TRABD2B: variants seen among roughly 807,000 people sequenced by gnomAD.
TRABD2B encodes the protein metalloprotease TIKI2.
TRABD2B carries 14 observed loss-of-function variants against 40.1 expected under a neutral mutation model. That is an observed-to-expected ratio of 0.35 (90% CI 0.23 to 0.55). The LOEUF is 0.55. Ranked by LOEUF, TRABD2B falls within the 20% of genes least tolerant of loss-of-function variation. The pLI is 0.90. For synonymous variants in TRABD2B, 263 were observed against 277.0 expected (o/e 0.95, Z 0.50); for missense variants, 541 against 648.6 (o/e 0.83, Z 1.80).
At position 47,937,228 on chromosome 1, in the gene TRABD2B, T is replaced by TCACCAC. The variant is rs1244071980; in HGVS notation, c.666+56800_666+56805dup. On this transcript the variant is annotated intron_variant, in intron 2 of 6. Coordinates refer to ENST00000606738, the MANE Select transcript of TRABD2B (RefSeq NM_001194986.2). ...ATCACCACTACCATGATCATCACCATCACCACCACCACCATGATCATCACC... is the reference window on the plus strand; with the variant it reads ...ATCACCACTACCATGATCATCACCATCACCACCACCACCACCACCATGATCATCACC... Among the ~76,000 whole-genome samples, 3 of 145,586 alleles carry TCACCAC rather than the reference T, an allele frequency of 2.1e-5. No individual in the cohort carries two copies. In the East Asian group the frequency reaches 6.2e-4, roughly 30 times the overall value.
chr1:47,883,881 G>A (rs1008630364), intron 2 of TRABD2B, among the ~76,000 whole-genome samples: 9 of 152,154 alleles, frequency 5.9e-5, no homozygotes, highest in Non-Finnish European at 1.2e-4. Context: ...GGAGGTCCAT[G>A]CCTACTCAAC....
Position 47,762,815 on chromosome 1 carries a change from T to C in TRABD2B, c.*3087A>G, listed in dbSNP as rs2124393563. 6.6e-6 allele frequency: 1 copy of C among 152,232 alleles called. No individual in the cohort carries two copies. Among genetic ancestry groups the C allele is most frequent in the South Asian group, 2.1e-4 (1 of 4,822 alleles). The allele number at this position is 152,232 out of a possible 1,614,324, so 9.4% of individuals were successfully genotyped here. A position where few individuals can be genotyped will look rare whatever the true frequency, so the allele number is the denominator to read the frequency against. On this transcript the variant is annotated 3_prime_UTR_variant, in exon 7 of 7. Transcript: ENST00000606738. ...GCTGCTGGTGCATCAGACCCACCACTGGAGGAAGACCTGGGGACATGGCCA... is the reference window on the plus strand; with the variant it reads ...GCTGCTGGTGCATCAGACCCACCACCGGAGGAAGACCTGGGGACATGGCCA...
At chr1:47,949,011 A>T (rs1645300671) in intron 2 of TRABD2B, among the ~76,000 whole-genome samples, 1 of 152,212 alleles carries the variant, frequency 6.6e-6, no homozygotes, top group African/African-American at 2.4e-5. Context: ...AAGAAAACTG[A>T]GGTTCAAGGG....
At chr1:47,860,201 T>C (rs944712494) in intron 2 of TRABD2B, among the ~76,000 whole-genome samples, 8 of 152,158 alleles carry the variant, frequency 5.3e-5, no homozygotes, top group Admixed American at 1.3e-4. Context: ...ATTCCTGCTG[T>C]TTCCCTCTCT....
intron 4 of TRABD2B, among the ~76,000 whole-genome samples, chr1:47,782,104 G>C (rs1557562432): frequency 6.6e-6 from 1 of 152,048 alleles, no homozygotes; most frequent in Non-Finnish European, 1.5e-5. Context: ...TGCCACTTTT[G>C]CCCAGATGCA....
intron 2 of TRABD2B, among the ~76,000 whole-genome samples, chr1:47,804,528 T>A (rs1644865659): frequency 1.3e-5 from 2 of 152,138 alleles, no homozygotes; most frequent in African/African-American, 4.8e-5. Flanking sequence ...TGTGGTGAGG[T>A]CATCGGCCCA....
intron 2 of TRABD2B, among the ~76,000 whole-genome samples, chr1:47,957,657 G>GA (rs1645444343): frequency 6.6e-6 from 1 of 151,976 alleles, no homozygotes; most frequent in Non-Finnish European, 1.5e-5. Flanking sequence ...GAAGTTTAGA[G>GA]AAAAAAGAGT....
chr1:47,820,426 A>G (rs1645089631), intron 2 of TRABD2B, among the ~76,000 whole-genome samples: 1 of 152,228 alleles, frequency 6.6e-6, no homozygotes, highest in Non-Finnish European at 1.5e-5. Context: ...GGGCCTGTCC[A>G]AGGTCACACA....
intron 2 of TRABD2B, among the ~76,000 whole-genome samples, chr1:47,966,079 C>G (rs951886540): frequency 2.6e-5 from 4 of 152,162 alleles, no homozygotes; most frequent in African/African-American, 9.7e-5. Flanking sequence ...CCTATTAAGT[C>G]CTCTTGAAGG....
intron 2 of TRABD2B, among the ~76,000 whole-genome samples, chr1:47,805,057 T>C (rs1186204917): frequency 1.3e-5 from 2 of 152,074 alleles, no homozygotes; most frequent in African/African-American, 4.8e-5. Flanking sequence ...CCTCCTCATA[T>C]TAAAGAGGAG....
chr1:47,804,371 T>C (rs1414644436), intron 2 of TRABD2B, among the ~76,000 whole-genome samples: 1 of 152,226 alleles, frequency 6.6e-6, no homozygotes, highest in Non-Finnish European at 1.5e-5. Flanking sequence ...ACACGGCACA[T>C]GCCTCGGATG....
chr1:47,874,307 G>A (rs1370486614), intron 2 of TRABD2B, among the ~76,000 whole-genome samples: 28 of 123,590 alleles, frequency 2.3e-4, no homozygotes, highest in African/African-American at 7.4e-4. Flanking sequence ...CGCCCAGGCC[G>A]GACTGCGGAC....
intron 2 of TRABD2B, among the ~76,000 whole-genome samples, chr1:47,903,500 T>G (rs1644631922): frequency 6.6e-6 from 1 of 152,128 alleles, no homozygotes; most frequent in African/African-American, 2.4e-5. Context: ...GCACTGTGTC[T>G]GTGCCCCCAG....
intron 2 of TRABD2B, among the ~76,000 whole-genome samples, chr1:47,945,856 C>T (rs1478692803): frequency 6.6e-6 from 1 of 152,148 alleles, no homozygotes; most frequent in African/African-American, 2.4e-5. Context: ...ACAAAGAAAG[C>T]CACTATAAAC....
At chr1:47,939,846 T>A (rs904952290) in intron 2 of TRABD2B, among the ~76,000 whole-genome samples, 5 of 152,228 alleles carry the variant, frequency 3.3e-5, no homozygotes, top group African/African-American at 1.2e-4. Flanking sequence ...TGGTAACTTC[T>A]GGACTATTCC....
At chr1:47,959,858 TATG>T (rs1175492646) in intron 2 of TRABD2B, among the ~76,000 whole-genome samples, 1 of 152,198 alleles carries the variant, frequency 6.6e-6, no homozygotes, top group East Asian at 1.9e-4. Flanking sequence ...TAACTCATTT[TATG>T]AGGCCAGCAT....
intron 2 of TRABD2B, among the ~76,000 whole-genome samples, chr1:47,936,518 T>C (rs146766825): frequency 1.5e-3 from 235 of 152,310 alleles, no homozygotes; most frequent in Non-Finnish European, 2.4e-3. Flanking sequence ...GAGGAAGGGA[T>C]AGAACTTCTA....
chr1:47,827,271 G>A (rs1645188979), intron 2 of TRABD2B, among the ~76,000 whole-genome samples: 1 of 152,250 alleles, frequency 6.6e-6, no homozygotes, highest in African/African-American at 2.4e-5. Flanking sequence ...AAACATGAAT[G>A]CATCAGGGAA....
chr1:47,890,634 A>G (rs2124649650), intron 2 of TRABD2B, among the ~76,000 whole-genome samples: 1 of 152,300 alleles, frequency 6.6e-6, no homozygotes, highest in South Asian at 2.1e-4. Context: ...CACAGACCTG[A>G]TGCTGCAGGC....
Sources: allele counts gnomAD v4.1 joint callset (sites outside exome capture counted in the v4.1 genomes callset), GRCh38; gene constraint gnomAD v4.1.1; transcripts MANE v1.5; gene names NCBI Gene and HGNC (gene_info 2026-07-23, HGNC 2026-07-21).